PCDHA8: variants seen among roughly 807,000 people sequenced by gnomAD.
PCDHA8 encodes protocadherin alpha 8.
PCDHA8 carries 53 observed loss-of-function variants against 61.8 expected under a neutral mutation model. That is an observed-to-expected ratio of 0.86 (90% CI 0.69 to 1.08). The LOEUF (loss-of-function observed/expected upper bound fraction) is 1.08. PCDHA8 is among the 50% of genes least tolerant of loss of function. PCDHA8 has a pLI of 0.00. For missense variants in PCDHA8, 1,293 were observed against 1,245.0 expected (o/e 1.04, Z -0.58); for synonymous variants, 618 against 556.6 (o/e 1.11, Z -1.55).
intron 1 of PCDHA8, among the ~76,000 whole-genome samples, chr5:140,911,106 G>T (rs192768876): frequency 6.6e-6 from 1 of 152,214 alleles, no homozygotes; most frequent in Non-Finnish European, 1.5e-5. Flanking sequence ...TGCCTCAGGG[G>T]AAGCCATCAC....
chr5:140,928,522 T>G lies in PCDHA8; in HGVS notation c.2395-50427T>G, dbSNP rs373009645. The G allele has an allele frequency of 4.3e-6, 7 of 1,614,150 alleles. No homozygotes were observed. Among genetic ancestry groups the G allele is most frequent in the African/African-American group, 1.3e-5 (1 of 75,032 alleles). On this transcript the variant is annotated intron_variant, in intron 1 of 3. Coordinates refer to ENST00000531613, the MANE Select transcript of PCDHA8 (RefSeq NM_018911.3). ...AAGTGCAACAGTGACTATAAACTTG[T>G]TTGTGGTAGATAGGAATGACAATTA...
chr5:140,939,803 T>C (rs2092462819), intron 1 of PCDHA8, among the ~76,000 whole-genome samples: 1 of 152,228 alleles, frequency 6.6e-6, no homozygotes, highest in African/African-American at 2.4e-5. Flanking sequence ...ATGTTCTGCA[T>C]GTTCAAGAAA....
intron 1 of PCDHA8, chr5:140,854,737 A>T (rs2043210768): frequency 6.7e-6 from 1 of 149,840 alleles, no homozygotes. Flanking sequence ...TTTTTTCAGC[A>T]GCACAGATAT....
intron 1 of PCDHA8, chr5:140,851,724 A>G: frequency 1.0e-6 from 1 of 967,484 alleles, no homozygotes; most frequent in Non-Finnish European, 1.2e-6. Context: ...CGAAACTTCG[A>G]GTTCTTTTGA....
At chr5:140,945,158 G>C in intron 1 of PCDHA8, among the ~76,000 whole-genome samples, 1 of 151,932 alleles carries the variant, frequency 6.6e-6, no homozygotes, top group Non-Finnish European at 1.5e-5. Flanking sequence ...ATACACTATT[G>C]AACTATCTGA....
intron 1 of PCDHA8, among the ~76,000 whole-genome samples, chr5:140,902,203 C>CTTTTTTTTTTTTT (rs148688132): frequency 8.0e-6 from 1 of 124,460 alleles, no homozygotes; most frequent in African/African-American, 3.1e-5. Context: ...CTCTCTCTTT[C>CTTTTTTTTTTTTT]TTTTTTTTTT....
rs1166477260 is a variant in PCDHA8, at chr5:140,843,587, C to T, written c.2266C>T (p.Gln756Ter). 5 of 1,596,096 alleles carry T rather than the reference C, an allele frequency of 3.1e-6. 1 individual carries two copies. In the East Asian group the frequency reaches 6.7e-5, roughly 21 times the overall value. The part of the protein sequence containing the change: ...GSWSYSQQQP[Q>*]RVCSGEGPPK... The stretch of plus-strand genomic sequence containing the variant: ...CTGGTCATACTCGCAACAACAGCCG[C>T]AGAGGGTGTGCTCTGGTGAGGGGCC... Residue 756 changes from glutamine (Q) to a stop codon, truncating the protein, a stop_gained, in exon 1 of 4, where the codon CAG becomes TAG. Coordinates refer to ENST00000531613, the MANE Select transcript of PCDHA8 (RefSeq NM_018911.3). LOFTEE classifies it high-confidence loss of function.
intron 1 of PCDHA8, among the ~76,000 whole-genome samples, chr5:140,949,632 T>C (rs932981591): frequency 2.6e-5 from 4 of 151,894 alleles, no homozygotes; most frequent in Non-Finnish European, 5.9e-5. Flanking sequence ...TCATGGCATA[T>C]TGCTTTTTGT....
rs1554206991 is a variant in PCDHA8, at chr5:140,929,323, A to G, written c.2395-49626A>G. 4 of 1,540,320 alleles carry G rather than the reference A, an allele frequency of 2.6e-6. No homozygotes were observed. In the Admixed American group the frequency reaches 8.1e-5, roughly 31 times the overall value. On this transcript the variant is annotated intron_variant, in intron 1 of 3. Transcript: ENST00000531613. ...AGGGGATCACGCTAATGTCAATGCC[A>G]TGGTAAGCAAATTTTATGGAATTTG...
At chr5:140,875,262 C>A in intron 1 of PCDHA8, 1 of 1,157,366 alleles carries the variant, frequency 8.6e-7, no homozygotes, top group African/African-American at 1.6e-5. Flanking sequence ...CATGATGTCG[C>A]TCTACACTCA....
rs2150336265 is a variant in PCDHA8, at chr5:140,842,444, A to C, written c.1123A>C (p.Asn375His). 3.1e-6 allele frequency: 5 copies of C among 1,613,778 alleles called. No homozygotes were observed. The East Asian group carries it at 1.1e-4, about 36-fold the overall frequency. The change falls in exon 1 of 4, where the codon AAC becomes CAC. Residue 375 changes from asparagine (N) to histidine (H), a missense_variant. Transcript: ENST00000531613. ...TACTGTCATCGCCCTAATTAGCGTGAACGACCTCGATTCAGGTGCCAACGG... is the reference window on the plus strand; with the variant it reads ...TACTGTCATCGCCCTAATTAGCGTGCACGACCTCGATTCAGGTGCCAACGG... Reference protein sequence around the residue: ...FGTVIALISVNDLDSGANGQV... With the variant: ...FGTVIALISVHDLDSGANGQV...
chr5:140,915,234 A>G (rs1373292519), intron 1 of PCDHA8, among the ~76,000 whole-genome samples: 1 of 152,144 alleles, frequency 6.6e-6, no homozygotes, highest in Non-Finnish European at 1.5e-5. Flanking sequence ...GGCATGAGCC[A>G]CCATGCCTGG....
At chr5:140,923,584 T>C (rs2081432624) in intron 1 of PCDHA8, among the ~76,000 whole-genome samples, 1 of 152,172 alleles carries the variant, frequency 6.6e-6, no homozygotes, top group South Asian at 2.1e-4. Context: ...AGAGAAGGTT[T>C]GTTAATTCAT....
chr5:141,000,371 CT>C (rs2153963893), intron 3 of PCDHA8, among the ~76,000 whole-genome samples: 1 of 49,262 alleles, frequency 2.0e-5, no homozygotes, highest in East Asian at 6.6e-4. Context: ...GTCTCTCTCT[CT>C]CTCTCTCTCT....
intron 1 of PCDHA8, among the ~76,000 whole-genome samples, chr5:140,943,906 C>T (rs963288804): frequency 2.0e-5 from 3 of 152,156 alleles, no homozygotes; most frequent in African/African-American, 7.2e-5. Context: ...ATGTCATGAG[C>T]ACTTTAGCAT....
intron 1 of PCDHA8, among the ~76,000 whole-genome samples, chr5:140,878,826 C>G (rs1048428036): frequency 1.3e-5 from 2 of 152,182 alleles, no homozygotes; most frequent in Non-Finnish European, 2.9e-5. Flanking sequence ...CTATGTTGCA[C>G]AGGCTGGACT....
intron 1 of PCDHA8, among the ~76,000 whole-genome samples, chr5:140,947,404 T>G (rs1305199507): frequency 6.6e-6 from 1 of 151,736 alleles, no homozygotes; most frequent in Non-Finnish European, 1.5e-5. Flanking sequence ...GTAGACTGTC[T>G]TGATATTGTA....
chr5:140,982,789 G>A (rs894929116), intron 3 of PCDHA8, among the ~76,000 whole-genome samples: 3 of 151,400 alleles, frequency 2.0e-5, no homozygotes, highest in Admixed American at 6.5e-5. Context: ...GTGCACGCAT[G>A]TGTGCATGTG....
chr5:140,849,503 T>A lies in PCDHA8; in HGVS notation c.2394+5788T>A, dbSNP rs2150439338. The A allele has an allele frequency of 1.9e-6, 3 of 1,596,058 alleles. No homozygotes were observed. In the East Asian group the frequency reaches 6.7e-5, roughly 36 times the overall value. On this transcript the variant is annotated intron_variant, in intron 1 of 3. Transcript: ENST00000531613. ...CACCCCTGGCTGGTCATTGTACACT[T>A]CTTGTGGAAGTTGTGGATGTAAATG...
Sources: allele counts gnomAD v4.1 joint callset (sites outside exome capture counted in the v4.1 genomes callset), GRCh38; gene constraint gnomAD v4.1.1; transcripts MANE v1.5; gene names NCBI Gene and HGNC (gene_info 2026-07-23, HGNC 2026-07-21).